LIMCH1: variants seen among roughly 807,000 people sequenced by gnomAD.
LIMCH1 encodes LIM and calponin homology domains 1.
In LIMCH1, 113 loss-of-function variants were observed where a neutral mutation model predicts 176.5. That is an observed-to-expected ratio of 0.64 (90% CI 0.55 to 0.75). The LOEUF is 0.75. Among genes scored for constraint, LIMCH1 ranks in the 30% least tolerant of loss-of-function variants. The pLI is 0.00. For synonymous variants in LIMCH1, 619 were observed against 645.9 expected, an observed-to-expected ratio of 0.96 and a Z score of 0.63; for missense variants, 1,674 against 1,814.9, an observed-to-expected ratio of 0.92 and a Z score of 1.41.
At chr4:41,620,158 A>T (rs1380473323) in intron 6 of LIMCH1, 1 of 409,932 alleles carries the variant, frequency 2.4e-6, no homozygotes. Context: ...AATTTGCTGA[A>T]CAAACTAATG....
At chr4:41,444,312 A>G (rs1185769485) in intron 1 of LIMCH1, among the ~76,000 whole-genome samples, 1 of 57,996 alleles carries the variant, frequency 1.7e-5, no homozygotes, top group Non-Finnish European at 2.6e-5. Context: ...GTGTATATAT[A>G]TACACACACA....
intron 1 of LIMCH1, among the ~76,000 whole-genome samples, chr4:41,572,412 G>GTT (rs11453921): frequency 4.6e-5 from 7 of 151,878 alleles, no homozygotes; most frequent in African/African-American, 1.7e-4. Flanking sequence ...TACAATACTA[G>GTT]TTTTTTTTAC....
At chr4:41,495,667 C>A (rs932145508) in intron 2 of LIMCH1, among the ~76,000 whole-genome samples, 1 of 152,278 alleles carries the variant, frequency 6.6e-6, no homozygotes, top group Admixed American at 6.5e-5. Context: ...CCCCAAGTCT[C>A]ATTTTTTTCT....
intron 1 of LIMCH1, among the ~76,000 whole-genome samples, chr4:41,554,932 A>G (rs1445988013): frequency 6.6e-6 from 1 of 152,196 alleles, no homozygotes; most frequent in Non-Finnish European, 1.5e-5. Flanking sequence ...GCAGAAGGGT[A>G]GGGTGGATGT....
At chr4:41,689,945 G>A (rs1265818606) in intron 30 of LIMCH1, among the ~76,000 whole-genome samples, 5 of 152,166 alleles carry the variant, frequency 3.3e-5, no homozygotes, top group East Asian at 1.9e-4. Flanking sequence ...AAATCTTTTA[G>A]GGCCATGTGG....
chr4:41,501,619 G>A (rs1469881507), intron 2 of LIMCH1, among the ~76,000 whole-genome samples: 1 of 152,018 alleles, frequency 6.6e-6, no homozygotes, highest in Non-Finnish European at 1.5e-5. Context: ...TTTTGGTGGG[G>A]TCATTCTAGA....
chr4:41,483,951 A>G (rs145502134), intron 1 of LIMCH1, among the ~76,000 whole-genome samples: 177 of 152,254 alleles, frequency 1.2e-3, no homozygotes, highest in African/African-American at 4.1e-3. Flanking sequence ...TCTGTTTTTT[A>G]CTAGTTTTGA....
At chr4:41,591,029 G>A (rs2152721092) in intron 1 of LIMCH1, among the ~76,000 whole-genome samples, 1 of 152,260 alleles carries the variant, frequency 6.6e-6, no homozygotes, top group South Asian at 2.1e-4. Flanking sequence ...TACTTCAAAT[G>A]TAGAAAACCT....
intron 1 of LIMCH1, among the ~76,000 whole-genome samples, chr4:41,578,380 G>C (rs2084854174): frequency 6.6e-6 from 1 of 152,128 alleles, no homozygotes; most frequent in Non-Finnish European, 1.5e-5. Context: ...ACCCTCCCTT[G>C]ACATGTGACG....
intron 4 of LIMCH1, among the ~76,000 whole-genome samples, chr4:41,610,791 A>G (rs1584833482): frequency 6.6e-6 from 1 of 152,144 alleles, no homozygotes; most frequent in African/African-American, 2.4e-5. Context: ...TCTCTTAACC[A>G]TTACCCTAAA....
chr4:41,597,370 G>A (rs2089072313), intron 1 of LIMCH1, among the ~76,000 whole-genome samples: 1 of 152,174 alleles, frequency 6.6e-6, no homozygotes, highest in African/African-American at 2.4e-5. Context: ...ATAATGCATG[G>A]TGAATAATAA....
upstream of LIMCH1, among the ~76,000 whole-genome samples, chr4:41,360,370 C>T (rs2051818634): frequency 6.6e-6 from 1 of 152,080 alleles, no homozygotes; most frequent in Non-Finnish European, 1.5e-5. The surrounding 1 kb of genome is among the most constrained non-coding windows in gnomAD (Gnocchi z 4.5). Context: ...CCCGGGTGCG[C>T]CCCACTGGGC....
chr4:41,513,593 A>G (rs1228706954), intron 2 of LIMCH1, among the ~76,000 whole-genome samples: 1 of 152,284 alleles, frequency 6.6e-6, no homozygotes, highest in Non-Finnish European at 1.5e-5. Flanking sequence ...TCACAAACCA[A>G]CAGGAACTTC....
At chr4:41,563,127 GT>G (rs1165096172) in intron 1 of LIMCH1, among the ~76,000 whole-genome samples, 1 of 152,106 alleles carries the variant, frequency 6.6e-6, no homozygotes, top group Non-Finnish European at 1.5e-5. Context: ...AGCATAAACC[GT>G]GGCCTATATA....
At chr4:41,430,085 A>G (rs1009724171) in intron 1 of LIMCH1, among the ~76,000 whole-genome samples, 3 of 152,214 alleles carry the variant, frequency 2.0e-5, no homozygotes, top group Non-Finnish European at 2.9e-5. Flanking sequence ...TTCCTAATAC[A>G]GTATAGACGT....
chr4:41,698,784 G>A lies in LIMCH1; in HGVS notation c.*1599G>A, dbSNP rs1370518639. ...TTTCCTCAGCCACTGGAGGGATTTC[G>A]ACCATATTTGTCATTTGGATGAGCT... On this transcript the variant is annotated 3_prime_UTR_variant, in exon 32 of 32. Transcript: ENST00000503057. 6.6e-6 allele frequency: 1 copy of A among 152,516 alleles called. No individual in the cohort carries two copies. 9.4% of individuals were successfully genotyped at this position (152,516 alleles called of 1,614,324 possible).
At chr4:41,689,751 G>C (rs1463776583) in intron 30 of LIMCH1, 116 bp downstream of exon 30, 2 of 656,900 alleles carry the variant, frequency 3.0e-6, no homozygotes, top group African/African-American at 1.8e-5. Context: ...AGGTCTCACT[G>C]TCTAGGTTGT....
In LIMCH1 at chr4:41,612,955, A is replaced by T. The variant is rs1251746095; in HGVS notation, c.10-511A>T. 11 of 1,533,520 alleles carry T rather than the reference A, an allele frequency of 7.2e-6. No individual in the cohort carries two copies. In the East Asian group the frequency reaches 2.7e-4, roughly 38 times the overall value. 95.0% of individuals were successfully genotyped at this position (1,533,520 alleles called of 1,614,324 possible). A position where few individuals can be genotyped will look rare whatever the true frequency, so the allele number is the denominator to read the frequency against. ...GGAGATGAACGCGTGCTGCTCCAGGATTTTACAGAACTGATTCTGCAGCAA... is the reference window on the plus strand; with the variant it reads ...GGAGATGAACGCGTGCTGCTCCAGGTTTTTACAGAACTGATTCTGCAGCAA... On this transcript the variant is annotated intron_variant, in intron 4 of 31. Coordinates refer to ENST00000503057, the MANE Select transcript of LIMCH1 (RefSeq NM_001330672.2).
chr4:41,607,461 A>G (rs1258916829), intron 4 of LIMCH1, among the ~76,000 whole-genome samples: 1 of 152,234 alleles, frequency 6.6e-6, no homozygotes, highest in Non-Finnish European at 1.5e-5. Context: ...ATTGCTTCTC[A>G]GTCTCACCTC....
Sources: allele counts gnomAD v4.1 joint callset (sites outside exome capture counted in the v4.1 genomes callset), GRCh38; gene constraint gnomAD v4.1.1; non-coding constraint Gnocchi (gnomAD v3.1); transcripts MANE v1.5; gene names NCBI Gene and HGNC (gene_info 2026-07-23, HGNC 2026-07-21).